The following SLC44A5 variants were observed in gnomAD, a reference collection of about 807,000 sequenced individuals.
The protein encoded by SLC44A5 is solute carrier family 44 member 5.
Under a neutral mutation model 101.8 loss-of-function variants are expected in SLC44A5, and 57 were observed. The ratio of observed to expected loss-of-function variants is 0.56; its 90% CI spans 0.45 to 0.70. SLC44A5 has a LOEUF of 0.70. Among genes scored for constraint, SLC44A5 ranks in the 30% least tolerant of loss-of-function variants. The pLI is 0.00. For missense variants in SLC44A5, 737 were observed against 853.1 expected (o/e 0.86, Z 1.70); for synonymous variants, 281 against 290.9 (o/e 0.97, Z 0.35).
chr1:75,310,759 T>C (rs1408865553), intron 4 of SLC44A5, among the ~76,000 whole-genome samples: 1 of 152,180 alleles, frequency 6.6e-6, no homozygotes, highest in African/African-American at 2.4e-5. Flanking sequence ...GAATATTATA[T>C]ATTTTCACAG....
chr1:75,256,113 T>A (rs926592566), intron 6 of SLC44A5, among the ~76,000 whole-genome samples: 11 of 152,254 alleles, frequency 7.2e-5, no homozygotes, highest in African/African-American at 2.7e-4. Flanking sequence ...AATTATTATT[T>A]ATATGAAATT....
At chr1:75,249,030 G>T (rs1238097723) in intron 7 of SLC44A5, among the ~76,000 whole-genome samples, 1 of 152,008 alleles carries the variant, frequency 6.6e-6, no homozygotes, top group Non-Finnish European at 1.5e-5. Flanking sequence ...AATGTCAGAG[G>T]AATCAAGATG....
chr1:75,680,475 C>G, the SLC44A5 span, among the ~76,000 whole-genome samples: 17 of 151,828 alleles, frequency 1.1e-4, no homozygotes, highest in African/African-American at 3.1e-4. Flanking sequence ...AACTGCTCAA[C>G]TACATGGAAA....
At chr1:75,368,581 G>GT (rs1660011992) in intron 3 of SLC44A5, among the ~76,000 whole-genome samples, 1 of 151,694 alleles carries the variant, frequency 6.6e-6, no homozygotes, top group African/African-American at 2.4e-5. Flanking sequence ...TACTTTAATA[G>GT]GTACCTTCAG....
intron 5 of SLC44A5, among the ~76,000 whole-genome samples, chr1:75,285,833 G>C (rs2100800168): frequency 6.6e-6 from 1 of 152,038 alleles, no homozygotes; most frequent in South Asian, 2.1e-4. Context: ...GTTTGAGGGA[G>C]TACTAGATAT....
intron 3 of SLC44A5, among the ~76,000 whole-genome samples, chr1:75,386,592 C>G (rs961817917): frequency 3.3e-5 from 5 of 152,208 alleles, no homozygotes; most frequent in Non-Finnish European, 7.3e-5. Context: ...ATTCCATGCT[C>G]ATGGGTAGGA....
At chr1:75,672,352 G>A in the SLC44A5 span, among the ~76,000 whole-genome samples, 5 of 152,076 alleles carry the variant, frequency 3.3e-5, no homozygotes, top group African/African-American at 1.2e-4. Context: ...CTGTCACAGT[G>A]GAAAGCAACA....
chr1:75,289,883 A>G (rs185010119), intron 5 of SLC44A5, among the ~76,000 whole-genome samples: 2 of 152,318 alleles, frequency 1.3e-5, no homozygotes, highest in Admixed American at 6.5e-5. Flanking sequence ...AAAATATTAG[A>G]CAATCAATGG....
chr1:75,458,570 A>G (rs115422443), intron 2 of SLC44A5, among the ~76,000 whole-genome samples: 2,878 of 152,296 alleles, frequency 0.019, 49 homozygotes, highest in Non-Finnish European at 0.031. Flanking sequence ...ACATTACAGA[A>G]GGATAGAGTG....
chr1:75,468,369 C>A (rs1472765209), intron 2 of SLC44A5, among the ~76,000 whole-genome samples: 1 of 152,122 alleles, frequency 6.6e-6, no homozygotes, highest in Admixed American at 6.5e-5. Flanking sequence ...ATCTGCATTC[C>A]CATGTTTGTT....
intron 2 of SLC44A5, among the ~76,000 whole-genome samples, chr1:75,527,348 A>AG (rs917475688): frequency 6.6e-6 from 1 of 151,350 alleles, no homozygotes; most frequent in African/African-American, 2.4e-5. Flanking sequence ...ATTGCTTAAT[A>AG]GGTTAGGAAG....
At chr1:75,295,947 T>C (rs970109738) in intron 5 of SLC44A5, among the ~76,000 whole-genome samples, 4 of 152,228 alleles carry the variant, frequency 2.6e-5, no homozygotes, top group Non-Finnish European at 5.9e-5. Context: ...AATAAACATA[T>C]AGTTTAATAT....
chr1:75,600,505 ATATT>A (rs1319961933), intron 1 of SLC44A5, among the ~76,000 whole-genome samples: 17 of 152,104 alleles, frequency 1.1e-4, no homozygotes, highest in Middle Eastern at 3.2e-3. Flanking sequence ...TCTCATCCAA[ATATT>A]TATTTATTTA....
At chr1:75,352,384 G>A (rs1658749275) in intron 3 of SLC44A5, among the ~76,000 whole-genome samples, 1 of 151,448 alleles carries the variant, frequency 6.6e-6, no homozygotes, top group Non-Finnish European at 1.5e-5. Flanking sequence ...GCCCAAGTGT[G>A]TGTTGTTCCC....
intron 2 of SLC44A5, among the ~76,000 whole-genome samples, chr1:75,425,646 A>G (rs1203143445): frequency 2.0e-5 from 3 of 152,206 alleles, no homozygotes; most frequent in African/African-American, 7.2e-5. Context: ...AGTAAAGACC[A>G]TGGGTAGTGG....
At chr1:75,336,227 C>T (rs1379351140) in intron 4 of SLC44A5, among the ~76,000 whole-genome samples, 1 of 152,112 alleles carries the variant, frequency 6.6e-6, no homozygotes, top group Admixed American at 6.5e-5. Flanking sequence ...ATGATCTCAA[C>T]TCACTGCAAC....
intron 1 of SLC44A5, among the ~76,000 whole-genome samples, chr1:75,545,408 T>C (rs1671591837): frequency 6.6e-6 from 1 of 152,230 alleles, no homozygotes; most frequent in African/African-American, 2.4e-5. Flanking sequence ...GTATTTCTAG[T>C]TCTAGATCAC....
upstream of SLC44A5, among the ~76,000 whole-genome samples, chr1:75,615,430 CAT>C (rs1415897791): frequency 5.1e-3 from 421 of 81,864 alleles, no homozygotes; most frequent in Non-Finnish European, 7.5e-3. Flanking sequence ...CACACACACA[CAT>C]ACATACACAC....
intron 4 of SLC44A5, among the ~76,000 whole-genome samples, chr1:75,335,251 C>A (rs573612781): frequency 6.6e-6 from 1 of 152,120 alleles, no homozygotes; most frequent in Non-Finnish European, 1.5e-5. Flanking sequence ...TTCTGTCATG[C>A]CCTAGAATTA....
Sources: allele counts gnomAD v4.1 joint callset (sites outside exome capture counted in the v4.1 genomes callset), GRCh38; gene constraint gnomAD v4.1.1; transcripts MANE v1.5; gene names NCBI Gene and HGNC (gene_info 2026-07-23, HGNC 2026-07-21).